PTPRT: variants seen among roughly 807,000 people sequenced by gnomAD.
PTPRT encodes the protein receptor-type tyrosine-protein phosphatase T.
Under a neutral mutation model 176.8 loss-of-function variants are expected in PTPRT, and 56 were observed. The ratio of observed to expected loss-of-function variants is 0.32; its 90% confidence interval spans 0.26 to 0.40. The LOEUF is 0.40. PTPRT is among the 10% of genes least tolerant of loss of function. The pLI is 1.00. For missense variants in PTPRT, 1,540 were observed against 1,908.2 expected, an observed-to-expected ratio of 0.81 and a Z score of 3.60; for synonymous variants, 783 against 739.0, an observed-to-expected ratio of 1.06 and a Z score of -0.96.
At chr20:43,095,628 A>ATC (rs1335581390) in intron 1 of PTPRT, among the ~76,000 whole-genome samples, 2 of 115,840 alleles carry the variant, frequency 1.7e-5, no homozygotes, top group Non-Finnish European at 3.6e-5. Context: ...TCCCCCACCG[A>ATC]TCTCTCTCCC....
chr20:42,192,314 G>A (rs1991034467), intron 16 of PTPRT, among the ~76,000 whole-genome samples: 1 of 152,092 alleles, frequency 6.6e-6, no homozygotes, highest in South Asian at 2.1e-4. Flanking sequence ...ACCCCAGCCA[G>A]CCTCTATTGT....
At chr20:42,566,528 G>A (rs571730702) in intron 7 of PTPRT, among the ~76,000 whole-genome samples, 44 of 152,320 alleles carry the variant, frequency 2.9e-4, no homozygotes, top group African/African-American at 1.0e-3. Context: ...GGGAACAGAA[G>A]TGATGGCTGT....
intron 7 of PTPRT, among the ~76,000 whole-genome samples, chr20:42,668,402 C>CAGAGAACCT (rs2075353758): frequency 6.6e-6 from 1 of 152,186 alleles, no homozygotes; most frequent in African/African-American, 2.4e-5. Context: ...GCTATTTCTT[C>CAGAGAACCT]CAGAGAACAC....
chr20:42,197,035 A>G (rs1221815106), intron 16 of PTPRT, among the ~76,000 whole-genome samples: 1 of 152,180 alleles, frequency 6.6e-6, no homozygotes, highest in East Asian at 1.9e-4. Flanking sequence ...GAAAAAAATT[A>G]GACAAATCTG....
At chr20:42,499,993 A>G (rs545119754) in intron 7 of PTPRT, among the ~76,000 whole-genome samples, 3 of 152,188 alleles carry the variant, frequency 2.0e-5, no homozygotes, top group Admixed American at 2.0e-4. Flanking sequence ...CTTTTGATGA[A>G]TATTTATTTT....
intron 5 of PTPRT, among the ~76,000 whole-genome samples, chr20:42,758,199 T>A (rs913534480): frequency 2.6e-5 from 4 of 152,240 alleles, no homozygotes; most frequent in Non-Finnish European, 5.9e-5. Flanking sequence ...CCTTATGACT[T>A]ATGATTCTCA....
intron 2 of PTPRT, among the ~76,000 whole-genome samples, chr20:42,871,664 T>G (rs1330050059): frequency 7.0e-6 from 1 of 143,580 alleles, no homozygotes; most frequent in Non-Finnish European, 1.5e-5. Context: ...GTGTATGGTG[T>G]AAGTTAAGGA....
chr20:42,328,330 A>C (rs921325051), intron 11 of PTPRT, among the ~76,000 whole-genome samples: 6 of 152,164 alleles, frequency 3.9e-5, no homozygotes, highest in Admixed American at 3.9e-4. Flanking sequence ...TTTTCCAATG[A>C]GTTCTTTCAA....
intron 18 of PTPRT, among the ~76,000 whole-genome samples, chr20:42,141,051 C>A (rs956607253): frequency 1.3e-5 from 2 of 152,160 alleles, no homozygotes; most frequent in Admixed American, 6.5e-5. Context: ...CCGCTGACTT[C>A]ATCAATGAGT....
chr20:42,243,117 G>A (rs1401667169), intron 14 of PTPRT, among the ~76,000 whole-genome samples: 1 of 152,028 alleles, frequency 6.6e-6, no homozygotes, highest in African/African-American at 2.4e-5. Context: ...GAGACAGAGA[G>A]AGAGAGAATG....
intron 1 of PTPRT, among the ~76,000 whole-genome samples, chr20:43,056,060 C>T (rs898534581): frequency 2.0e-5 from 3 of 152,090 alleles, no homozygotes; most frequent in African/African-American, 7.2e-5. Context: ...AACTGAAGTC[C>T]ACAGAGAGGA....
intron 6 of PTPRT, among the ~76,000 whole-genome samples, chr20:42,689,631 C>A (rs887431861): frequency 6.6e-6 from 1 of 152,148 alleles, no homozygotes; most frequent in Non-Finnish European, 1.5e-5. Context: ...TACATAGACT[C>A]CAAAACTTGT....
chr20:42,771,935 A>G, intron 4 of PTPRT, among the ~76,000 whole-genome samples: 1 of 152,204 alleles, frequency 6.6e-6, no homozygotes, highest in Non-Finnish European at 1.5e-5. Context: ...CAAACTGATC[A>G]TTGCTTCTGG....
chr20:42,421,462 C>T (rs1179000632), intron 9 of PTPRT, among the ~76,000 whole-genome samples: 1 of 152,028 alleles, frequency 6.6e-6, no homozygotes, highest in Non-Finnish European at 1.5e-5. Context: ...CGTTGACAGT[C>T]ACGACTAAGG....
At chr20:42,776,305 C>A (rs1413308761) in intron 4 of PTPRT, among the ~76,000 whole-genome samples, 1 of 152,174 alleles carries the variant, frequency 6.6e-6, no homozygotes, top group Non-Finnish European at 1.5e-5. Context: ...ATGACCCCAA[C>A]CCCCAGTATC....
At chr20:42,685,070 G>T (rs2075669428) in intron 6 of PTPRT, among the ~76,000 whole-genome samples, 1 of 152,114 alleles carries the variant, frequency 6.6e-6, no homozygotes, top group African/African-American at 2.4e-5. Context: ...CATGCCCGGG[G>T]TCTGCACTCC....
chr20:43,044,430 A>T (rs771162832), intron 1 of PTPRT, among the ~76,000 whole-genome samples: 1 of 152,118 alleles, frequency 6.6e-6, no homozygotes, highest in Non-Finnish European at 1.5e-5. Flanking sequence ...AAAGCTACTA[A>T]TCCTTTCCAA....
At chr20:42,413,293 G>A (rs2059034262) in intron 9 of PTPRT, among the ~76,000 whole-genome samples, 1 of 152,144 alleles carries the variant, frequency 6.6e-6, no homozygotes, top group South Asian at 2.1e-4. Context: ...AGTGGTTTGA[G>A]TGCTTCTCCT....
In PTPRT at chr20:43,090,493, A is replaced by C. The variant is rs575884143; in HGVS notation, c.88+99153T>G. On this transcript the variant is annotated intron_variant, in intron 1 of 30. Transcript: ENST00000373187. ...CCGTTTTAGCCAGGATGGTCTTGATATTCTGACCTCGTGATCCACCCGCCT... is the reference window on the plus strand; with the variant it reads ...CCGTTTTAGCCAGGATGGTCTTGATCTTCTGACCTCGTGATCCACCCGCCT... Among the ~76,000 whole-genome samples the C allele has an allele frequency of 2.2e-3, 337 of 152,124 alleles. 1 individual carries two copies. Among genetic ancestry groups the C allele is most frequent in the East Asian group, 7.8e-3 (40 of 5,140 alleles).
Sources: gnomAD v4.1 joint callset for allele counts (sites outside exome capture counted in the v4.1 genomes callset) on GRCh38, gnomAD v4.1.1 for gene constraint, MANE v1.5 for transcripts, NCBI Gene and HGNC (gene_info 2026-07-23, HGNC 2026-07-21) for gene names.